The following SPSB4 variants were observed in gnomAD, a reference collection of about 807,000 sequenced individuals.
SPSB4 encodes splA/ryanodine receptor domain and SOCS box containing 4, also known as SPRY domain-containing SOCS box protein 4.
In SPSB4, 21 loss-of-function variants were observed where a neutral mutation model predicts 20.9. The ratio of observed to expected loss-of-function variants is 1.01; its 90% CI spans 0.71 to 1.45. The LOEUF is 1.45. Among genes scored for constraint, SPSB4 ranks in the 40% most tolerant of loss-of-function variants. SPSB4 has a pLI of 0.00. For missense variants in SPSB4, 399 were observed against 399.2 expected, an observed-to-expected ratio of 1.00 and a Z score of 0.00; for synonymous variants, 207 against 183.8, an observed-to-expected ratio of 1.13 and a Z score of -1.02.
At chr3:141,144,635 G>T (rs1428882431) in intron 2 of SPSB4, among the ~76,000 whole-genome samples, 1 of 152,334 alleles carries the variant, frequency 6.6e-6, no homozygotes, top group East Asian at 1.9e-4. Flanking sequence ...TCGGAGAGAT[G>T]ATTTATATTT....
intron 1 of SPSB4, among the ~76,000 whole-genome samples, chr3:141,060,163 C>T (rs1316133571): frequency 6.6e-6 from 1 of 152,186 alleles, no homozygotes; most frequent in Non-Finnish European, 1.5e-5. Context: ...GACTTTGAGA[C>T]TATGATTGCA....
At position 141,142,152 on chromosome 3, in the gene SPSB4, T is replaced by C. The variant is rs564425683; in HGVS notation, c.695-4990T>C. Among the ~76,000 whole-genome samples, 3 of 152,384 alleles carry C rather than the reference T, an allele frequency of 2.0e-5. No individual in the cohort carries two copies. The South Asian group carries it at 6.2e-4, about 32-fold the overall frequency. ...GACCTTAGATTGTCTATTCATGTTC[T>C]TTCAGCTTTTTGATGTAAGCATTTA... is the stretch of plus-strand genomic sequence containing the variant. On this transcript the variant is annotated intron_variant, in intron 2 of 2. Transcript: ENST00000310546.
chr3:141,071,480 A>AT lies in SPSB4; in HGVS notation c.694+4692dup, dbSNP rs61678316. Among the ~76,000 whole-genome samples the AT allele has an allele frequency of 3.3e-3, 493 of 148,962 alleles. 7 individuals carry two copies. The highest frequency in any genetic ancestry group is 0.022 in the East Asian group (112 of 5,074). On this transcript the variant is annotated intron_variant, in intron 2 of 2. Coordinates refer to ENST00000310546, the MANE Select transcript of SPSB4 (RefSeq NM_080862.3). ...GTGCCCTGGGCTTAGGATTTTACTC[A>AT]TTTTTTTTTTCTTTTCGTCGCAATA...
At chr3:141,053,231 C>A (rs1292270091) in intron 1 of SPSB4, among the ~76,000 whole-genome samples, 3 of 149,988 alleles carry the variant, frequency 2.0e-5, no homozygotes, top group African/African-American at 4.9e-5. Flanking sequence ...CCCCCACCCG[C>A]GCAATTTGAT....
intron 2 of SPSB4, among the ~76,000 whole-genome samples, chr3:141,128,325 G>A (rs754089990): frequency 1.2e-3 from 177 of 152,276 alleles, no homozygotes; most frequent in Admixed American, 1.8e-3. Flanking sequence ...TCATCAGGGC[G>A]TGACAGGTGT....
At chr3:141,122,701 G>A (rs897221044) in intron 2 of SPSB4, among the ~76,000 whole-genome samples, 1 of 152,224 alleles carries the variant, frequency 6.6e-6, no homozygotes, top group African/African-American at 2.4e-5. Context: ...ATCTCAGACT[G>A]CTACGGTAGC....
At chr3:141,108,365 T>A (rs984127377) in intron 2 of SPSB4, among the ~76,000 whole-genome samples, 4 of 152,222 alleles carry the variant, frequency 2.6e-5, no homozygotes, top group Admixed American at 2.6e-4. Context: ...CTGAGATCAC[T>A]TCTTGCTGCA....
At chr3:141,085,776 A>C (rs556765135) in intron 2 of SPSB4, among the ~76,000 whole-genome samples, 73 of 152,336 alleles carry the variant, frequency 4.8e-4, no homozygotes, top group African/African-American at 1.6e-3. Flanking sequence ...AGCCAATAGC[A>C]TGTGTCTTGC....
intron 2 of SPSB4, among the ~76,000 whole-genome samples, chr3:141,087,409 CA>C (rs1168014256): frequency 6.6e-6 from 1 of 152,112 alleles, no homozygotes; most frequent in Non-Finnish European, 1.5e-5. Context: ...CTTGGACAGA[CA>C]AAATTGAAGA....
chr3:141,090,125 G>C (rs942256386), intron 2 of SPSB4, among the ~76,000 whole-genome samples: 1 of 152,072 alleles, frequency 6.6e-6, no homozygotes, highest in Non-Finnish European at 1.5e-5. Flanking sequence ...GTTTGGGAAT[G>C]TATTAATATG....
At chr3:141,116,565 C>T (rs992590540) in intron 2 of SPSB4, among the ~76,000 whole-genome samples, 15 of 152,192 alleles carry the variant, frequency 9.9e-5, no homozygotes, top group African/African-American at 3.4e-4. Flanking sequence ...AGTTCCAATC[C>T]CATACTCACC....
chr3:141,081,636 C>A (rs1938232636), intron 2 of SPSB4, among the ~76,000 whole-genome samples: 1 of 150,840 alleles, frequency 6.6e-6, no homozygotes, highest in African/African-American at 2.4e-5. Context: ...CAGCAGGGGC[C>A]AGGAGCTCTG....
chr3:141,061,726 TTTTC>T lies in SPSB4; in HGVS notation c.-153-4214_-153-4211del, dbSNP rs199732717. On this transcript the variant is annotated intron_variant, in intron 1 of 2. Coordinates refer to ENST00000310546, the MANE Select transcript of SPSB4 (RefSeq NM_080862.3). ...CTTCTCTTTCTTTCTTTTTCTTTCC[TTTTC>T]TTTCTTTCTTTTTTTTTTTTTTTGA... 3.1e-3 allele frequency among the ~76,000 whole-genome samples: 415 copies of T among 132,638 alleles called. 1 individual carries two copies. Among genetic ancestry groups the T allele is most frequent in the African/African-American group, 0.011 (402 of 35,950 alleles). 87.0% of individuals were successfully genotyped at this position (132,638 alleles called of 152,430 possible). A position where few individuals can be genotyped will look rare whatever the true frequency, so the allele number is the denominator to read the frequency against.
At chr3:141,052,226 G>A (rs1327533570) in intron 1 of SPSB4, among the ~76,000 whole-genome samples, 1 of 152,188 alleles carries the variant, frequency 6.6e-6, no homozygotes, top group Non-Finnish European at 1.5e-5. Flanking sequence ...GCTTCTCTGC[G>A]TAGCGGACAA....
At chr3:141,061,612 T>C (rs971213822) in intron 1 of SPSB4, among the ~76,000 whole-genome samples, 2 of 151,690 alleles carry the variant, frequency 1.3e-5, no homozygotes, top group Non-Finnish European at 2.9e-5. Flanking sequence ...TTAACTTATT[T>C]TAATAATTAA....
At chr3:141,083,987 C>G (rs1466424449) in intron 2 of SPSB4, among the ~76,000 whole-genome samples, 5 of 152,080 alleles carry the variant, frequency 3.3e-5, no homozygotes, top group African/African-American at 9.7e-5. Flanking sequence ...CACAGCTCTG[C>G]CACTGCAGGC....
chr3:141,089,609 C>G (rs561488718), intron 2 of SPSB4, among the ~76,000 whole-genome samples: 1 of 152,268 alleles, frequency 6.6e-6, no homozygotes, highest in Non-Finnish European at 1.5e-5. Flanking sequence ...TTTTCAACGT[C>G]TTGGCCTGTA....
In SPSB4 at chr3:141,051,434, G is replaced by A; in HGVS notation, c.-712G>A. 1 of 156,394 alleles carries A rather than the reference G, an allele frequency of 6.4e-6. No individual in the cohort carries two copies. Among genetic ancestry groups the A allele is most frequent in the Non-Finnish European group, 1.4e-5 (1 of 70,992 alleles). The allele number at this position is 156,394 out of a possible 1,614,324, so 9.7% of individuals were successfully genotyped here. A position where few individuals can be genotyped will look rare whatever the true frequency, so the allele number is the denominator to read the frequency against. On this transcript the variant is annotated 5_prime_UTR_variant, in exon 1 of 3. Transcript: ENST00000310546. ...GGAGGAGGGGGAGGCGGCGGCGGCT[G>A]CAGCATCCAGAGCTGGCCGTGGCGG...
At chr3:141,078,118 T>C (rs1938154428) in intron 2 of SPSB4, among the ~76,000 whole-genome samples, 1 of 152,322 alleles carries the variant, frequency 6.6e-6, no homozygotes, top group Non-Finnish European at 1.5e-5. Context: ...GGGCTTCTCC[T>C]CAGGTGCAGG....
Sources: gnomAD v4.1 joint callset for allele counts (sites outside exome capture counted in the v4.1 genomes callset) on GRCh38, gnomAD v4.1.1 for gene constraint, MANE v1.5 for transcripts, NCBI Gene and HGNC (gene_info 2026-07-23, HGNC 2026-07-21) for gene names.